Variants in POLR3D observed in about 807,000 individuals in gnomAD.
The protein encoded by POLR3D is DNA-directed RNA polymerase III subunit RPC4.
A neutral mutation model predicts 44.5 loss-of-function variants in POLR3D; 42 were observed. The observed-to-expected ratio is 0.94, with a 90% CI of 0.74 to 1.22. The LOEUF is 1.22. Among genes scored for constraint, POLR3D ranks in the 50% most tolerant of loss-of-function variants. The pLI is 0.00. For synonymous variants in POLR3D, 217 were observed against 198.1 expected, an observed-to-expected ratio of 1.10 and a Z score of -0.80; for missense variants, 507 against 505.2, an observed-to-expected ratio of 1.00 and a Z score of -0.03.
chr8:22,249,196 C>A lies in POLR3D; in HGVS notation c.808C>A (p.Gln270Lys), dbSNP rs535830031. 10 of 1,614,090 alleles carry A rather than the reference C, an allele frequency of 6.2e-6. No homozygotes were observed. The highest frequency in any genetic ancestry group is 8.5e-6 in the Non-Finnish European group (10 of 1,180,004). The change falls in exon 7 of 9, where the codon CAG (glutamine) becomes AAG (lysine). Residue 270 changes from glutamine to lysine, a missense_variant. By Grantham distance (53) the Gln-to-Lys change is moderately conservative (BLOSUM62 1). Transcript: ENST00000306433. ...CAAGGAAGAGGAACTGCTGTTTCTG[C>A]AGCTGCCAGACACCCTCCCTGGCCA... ...LTKEEELLFLQLPDTLPGQPP... is the reference protein window; with the variant it reads ...LTKEEELLFLKLPDTLPGQPP...
At position 22,249,051 on chromosome 8, in the gene POLR3D, G is replaced by A. The variant is rs57922001; in HGVS notation, c.663G>A (p.Glu221=). ...EVDIPAVKVK[E]EPRDEEEEAK... ...TGTCTATCACCCGGGCAGTGAAAGA[G>A]GAGCCACGAGATGAGGAGGAAGAGG... is the stretch of plus-strand genomic sequence containing the variant. The change falls in exon 7 of 9, where the codon GAG becomes GAA. Residue 221 remains glutamate (E), a synonymous_variant. Coordinates refer to ENST00000306433, the MANE Select transcript of POLR3D (RefSeq NM_001722.3). The A allele has an allele frequency of 1.4e-3, 2,198 of 1,613,772 alleles. 18 individuals carry two copies. In the African/African-American group the frequency reaches 0.026, roughly 19 times the overall value.
At chr8:22,247,167 T>C in intron 2 of POLR3D, 54 bp from the exon 3 acceptor site, 1 of 1,394,798 alleles carries the variant, frequency 7.2e-7, no homozygotes, top group Non-Finnish European at 1.0e-6. Flanking sequence ...TATTTTCCTC[T>C]GTACTTTGGG....
At chr8:22,249,534 A>G (rs976808036) in intron 7 of POLR3D, among the ~76,000 whole-genome samples, 3 of 152,198 alleles carry the variant, frequency 2.0e-5, no homozygotes, top group Admixed American at 6.5e-5. Context: ...TCAAACACAA[A>G]TGAGAGAACA....
At chr8:22,247,517 T>G (rs1830055681) in intron 3 of POLR3D, among the ~76,000 whole-genome samples, 1 of 152,170 alleles carries the variant, frequency 6.6e-6, no homozygotes, top group Non-Finnish European at 1.5e-5. Context: ...TAGAATGGAG[T>G]GATTCTCTTT....
rs376535773 is a variant in POLR3D, at chr8:22,250,392, G to C, written c.1075-4G>C. The C allele has an allele frequency of 6.2e-7, 1 of 1,614,176 alleles. No individual in the cohort carries two copies. Among genetic ancestry groups the C allele is most frequent in the Non-Finnish European group, 8.5e-7 (1 of 1,180,024 alleles). ...TTCTCATCACTGTCTCTGTTAATTG[G>C]CAGGAGCTGGTGTCCGTGGGCCTTG... On this transcript the variant is annotated splice_region_variant and splice_polypyrimidine_tract_variant and intron_variant, in intron 8 of 8. Transcript: ENST00000306433.
Position 22,247,928 on chromosome 8 carries a change from G to C in POLR3D, c.281G>C (p.Gly94Ala), listed in dbSNP as rs895408514. ...RDRDRQREGH[G>A]RGRGRPEVIQ... The stretch of plus-strand genomic sequence containing the variant: ...AGAGACCGACAACGAGAGGGGCATG[G>C]ACGAGGGCGAGGCCGTCCAGAAGTG... Residue 94 changes from glycine to alanine, a missense_variant, in exon 4 of 9, where the codon GGA becomes GCA. Transcript: ENST00000306433. The C allele has an allele frequency of 1.2e-6, 2 of 1,614,192 alleles. No homozygotes were observed.
intron 2 of POLR3D, among the ~76,000 whole-genome samples, chr8:22,246,425 T>C (rs117810902): frequency 0.06 from 8,914 of 148,708 alleles, 323 homozygotes; most frequent in Admixed American, 0.093. Context: ...CCACCGCTCC[T>C]GGCCGAATAA....
In POLR3D at chr8:22,250,629, C is replaced by A; in HGVS notation, c.*111C>A. ...AGGGGCCCACTGAGCCCACTCACTC[C>A]AGCCTTTGGCAACCATTGTTCCAGG... On this transcript the variant is annotated 3_prime_UTR_variant, in exon 9 of 9. Coordinates refer to ENST00000306433, the MANE Select transcript of POLR3D (RefSeq NM_001722.3). 1 of 1,341,210 alleles carries A rather than the reference C, an allele frequency of 7.5e-7. No individual in the cohort carries two copies. 83.1% of individuals were successfully genotyped at this position (1,341,210 alleles called of 1,614,324 possible).
chr8:22,247,885 G>C lies in POLR3D; in HGVS notation c.238G>C (p.Glu80Gln). ...CAAGGAAGAAGTAACTGTCAAGAAG[G>C]AGAAGCGTGAAAGGGACAGAGACCG... ...EPKEEVTVKK[E>Q]KRERDRDRQR... The change falls in exon 4 of 9, where the codon GAG (glutamate) becomes CAG (glutamine). Residue 80 changes from glutamate (E) to glutamine (Q), a missense_variant. Coordinates refer to ENST00000306433, the MANE Select transcript of POLR3D (RefSeq NM_001722.3). 6.2e-7 allele frequency: 1 copy of C among 1,614,060 alleles called. No homozygotes were observed. Among genetic ancestry groups the C allele is most frequent in the Non-Finnish European group, 8.5e-7 (1 of 1,180,002 alleles).
At chr8:22,247,293 C>T (rs1830053474) in intron 3 of POLR3D, 29 bp downstream of exon 3, 3 of 1,576,260 alleles carry the variant, frequency 1.9e-6, no homozygotes, top group Non-Finnish European at 1.7e-6. Context: ...TGAATACTTG[C>T]CCCTTATTTA....
chr8:22,249,953 C>A, intron 7 of POLR3D, 122 bp from the exon 8 acceptor site: 2 of 1,024,118 alleles, frequency 2.0e-6, no homozygotes, highest in Admixed American at 2.4e-5. Context: ...TAGGAGAAGG[C>A]ACTCTTTGGG....
intron 4 of POLR3D, 51 bp downstream of exon 4, chr8:22,248,059 C>T (rs750492669): frequency 3.1e-6 from 5 of 1,607,250 alleles, no homozygotes; most frequent in African/African-American, 2.7e-5. Flanking sequence ...CAGAGAAGGG[C>T]GAGAACAGTG....
intron 5 of POLR3D, 77 bp downstream of exon 5, chr8:22,248,355 A>G: frequency 6.3e-7 from 1 of 1,583,720 alleles, no homozygotes; most frequent in South Asian, 1.2e-5. Context: ...GGTGAGGGGT[A>G]GAAGAGCTTA....
chr8:22,249,727 C>G (rs7001697), intron 7 of POLR3D, among the ~76,000 whole-genome samples: 2 of 151,822 alleles, frequency 1.3e-5, no homozygotes, highest in African/African-American at 4.8e-5. Context: ...GAGGCTGAGG[C>G]GGGGGAATGG....
chr8:22,249,245 C>T lies in POLR3D; in HGVS notation c.857C>T (p.Pro286Leu), dbSNP rs746279667. ...PGQPPTQDIK[P>L]IKTEVQGEDG... Reference sequence around the variant, plus strand: ...CAGCCACCCACCCAGGACATCAAGCCTATCAAGACAGAGGTGCAGGGCGAG... The same window carrying T: ...CAGCCACCCACCCAGGACATCAAGCTTATCAAGACAGAGGTGCAGGGCGAG... Residue 286 changes from proline (P) to leucine (L), a missense_variant, in exon 7 of 9, where the codon CCT becomes CTT. Coordinates refer to ENST00000306433, the MANE Select transcript of POLR3D (RefSeq NM_001722.3). The T allele has an allele frequency of 6.2e-7, 1 of 1,613,958 alleles. No individual in the cohort carries two copies. The highest frequency in any genetic ancestry group is 1.7e-5 in the Admixed American group (1 of 59,978).
rs1317506429 is a variant in POLR3D at position 22,248,255 on chromosome 8, T to C, written c.463T>C (p.Leu155=). The C allele has an allele frequency of 1.2e-6, 2 of 1,614,078 alleles. No individual in the cohort carries two copies. Among genetic ancestry groups the C allele is most frequent in the South Asian group, 1.1e-5 (1 of 91,062 alleles). ...GACAGACGAAGAAACTAAACAGATC[T>C]TGCGTATGCTGGAGAAGGACGATGT... The part of the protein sequence containing the change: ...RETDEETKQI[L]RMLEKDDFLD... Residue 155 remains leucine (L), a synonymous_variant, in exon 5 of 9, where the codon TTG becomes CTG. Transcript: ENST00000306433.
At chr8:22,249,952 G>A in intron 7 of POLR3D, 123 bp from the exon 8 acceptor site, 2 of 998,742 alleles carry the variant, frequency 2.0e-6, no homozygotes, top group Non-Finnish European at 1.5e-6. Flanking sequence ...CTAGGAGAAG[G>A]CACTCTTTGG....
Position 22,245,508 on chromosome 8 carries a change from T to G in POLR3D, c.59T>G (p.Leu20Arg), listed in dbSNP as rs1474682767. Residue 20 changes from leucine (L) to arginine (R), a missense_variant, in exon 2 of 9, where the codon CTG (leucine) becomes CGG (arginine). Leu to Arg is a moderately radical substitution (Grantham distance 102, BLOSUM62 -2). Coordinates refer to ENST00000306433, the MANE Select transcript of POLR3D (RefSeq NM_001722.3). ...PSTPGGPRPL[L>R]TGARGLIGRR... ...ACGCCGGGAGGGCCCCGACCTCTCC[T>G]GACTGGGGCCCGGGGGCTCATCGGG... The G allele has an allele frequency of 2.3e-6, 3 of 1,292,126 alleles. No homozygotes were observed. The highest frequency in any genetic ancestry group is 3.0e-6 in the Non-Finnish European group (3 of 1,012,448). The allele number at this position is 1,292,126 out of a possible 1,614,324, so 80.0% of individuals were successfully genotyped here.
At position 22,245,149 on chromosome 8, in the gene POLR3D, C is replaced by T. The variant is rs145752434; in HGVS notation, c.-40C>T. 5 of 588,554 alleles carry T rather than the reference C, an allele frequency of 8.5e-6. No individual in the cohort carries two copies. Among genetic ancestry groups the T allele is most frequent in the Non-Finnish European group, 1.6e-5 (5 of 305,490 alleles). 36.5% of individuals were successfully genotyped at this position (588,554 alleles called of 1,614,324 possible). On this transcript the variant is annotated 5_prime_UTR_variant, in exon 1 of 9. Transcript: ENST00000306433. ...CTGCCACGCAGACTTCCGCCCGGCG[C>T]GGAGACCGAAGGCTGGCGGCTGGTC... is the stretch of plus-strand genomic sequence containing the variant.
Sources: gnomAD v4.1 joint callset for allele counts (sites outside exome capture counted in the v4.1 genomes callset) on GRCh38, gnomAD v4.1.1 for gene constraint, MANE v1.5 for transcripts, NCBI Gene and HGNC (gene_info 2026-07-23, HGNC 2026-07-21) for gene names.